DGKI: variants seen among roughly 807,000 people sequenced by gnomAD.
DGKI encodes DAG kinase iota.
DGKI carries 55 observed loss-of-function variants against 147.5 expected under a neutral mutation model. The ratio of observed to expected loss-of-function variants is 0.37; its 90% CI spans 0.30 to 0.47. DGKI has a LOEUF of 0.47. Among genes scored for constraint, DGKI ranks in the 20% least tolerant of loss-of-function variants. The pLI, the probability that DGKI is intolerant of heterozygous loss-of-function variation, is 1.00. For missense variants in DGKI, 1,007 were observed against 1,323.8 expected, an observed-to-expected ratio of 0.76 and a Z score of 3.71; for synonymous variants, 469 against 477.1, an observed-to-expected ratio of 0.98 and a Z score of 0.22.
chr7:137,496,140 T>A (rs1815956889), intron 21 of DGKI, among the ~76,000 whole-genome samples: 1 of 151,996 alleles, frequency 6.6e-6, no homozygotes, highest in African/African-American at 2.4e-5. Flanking sequence ...GTACAAAAAA[T>A]CAGTAGCATT....
Position 137,390,876 on chromosome 7 carries a change from T to C in DGKI, c.*344A>G, listed in dbSNP as rs530810119. 3 of 269,074 alleles carry C rather than the reference T, an allele frequency of 1.1e-5. No homozygotes were observed. Among genetic ancestry groups the C allele is most frequent in the Non-Finnish European group, 1.4e-5 (2 of 140,108 alleles). 16.7% of individuals were successfully genotyped at this position (269,074 alleles called of 1,614,324 possible). A position where few individuals can be genotyped will look rare whatever the true frequency, so the allele number is the denominator to read the frequency against. On this transcript the variant is annotated 3_prime_UTR_variant, in exon 33 of 33. Transcript: ENST00000614521. Reference sequence around the variant, plus strand: ...AAAAAACCAATGCATAGGGGGAGGATGGAGCAGTGCCATTTATACGAACAT... The same window carrying C: ...AAAAAACCAATGCATAGGGGGAGGACGGAGCAGTGCCATTTATACGAACAT...
chr7:137,836,870 T>C (rs540913693), intron 1 of DGKI, among the ~76,000 whole-genome samples: 2 of 152,296 alleles, frequency 1.3e-5, no homozygotes, highest in South Asian at 4.1e-4. Flanking sequence ...AAGGCCTCTC[T>C]CTATGTCTTG....
At chr7:137,665,265 G>A (rs1379739988) in intron 3 of DGKI, among the ~76,000 whole-genome samples, 1 of 152,154 alleles carries the variant, frequency 6.6e-6, no homozygotes, top group Non-Finnish European at 1.5e-5. Flanking sequence ...AAAAGGAAAG[G>A]CAGAGGCACA....
intron 20 of DGKI, among the ~76,000 whole-genome samples, chr7:137,522,202 G>A (rs1195213039): frequency 6.6e-6 from 1 of 151,988 alleles, no homozygotes; most frequent in East Asian, 1.9e-4. Flanking sequence ...AGAGCCTTTG[G>A]AGCCCACTTT....
In DGKI at chr7:137,625,495, TAAAG is replaced by T. The variant is rs905553526; in HGVS notation, c.805-1945_805-1942del. On this transcript the variant is annotated intron_variant, in intron 6 of 32. Coordinates refer to ENST00000614521, the MANE Select transcript of DGKI (RefSeq NM_001321708.2). ...ATAAAATAAAAAATTTAAAAAAAAATAAAGAAAGGCTGCTTGCAAGGTTGGCCCT... is the reference window on the plus strand; with the variant it reads ...ATAAAATAAAAAATTTAAAAAAAAATAAAGGCTGCTTGCAAGGTTGGCCCT... Among the ~76,000 whole-genome samples, 15 of 151,268 alleles carry T rather than the reference TAAAG, an allele frequency of 9.9e-5. No individual in the cohort carries two copies. In the East Asian group the frequency reaches 2.5e-3, roughly 26 times the overall value.
intron 1 of DGKI, among the ~76,000 whole-genome samples, chr7:137,755,522 A>G (rs1395842150): frequency 6.6e-6 from 1 of 152,222 alleles, no homozygotes; most frequent in Non-Finnish European, 1.5e-5. Flanking sequence ...CGTGGAACAA[A>G]GTGGAAACAA....
chr7:137,496,577 C>A (rs1489431787), intron 21 of DGKI, among the ~76,000 whole-genome samples: 1 of 149,758 alleles, frequency 6.7e-6, no homozygotes, highest in Non-Finnish European at 1.5e-5. Flanking sequence ...GTAACCAAAA[C>A]AACATGATAC....
In DGKI at chr7:137,521,844, C is replaced by A. The variant is rs535703504; in HGVS notation, c.2248+22G>T. The A allele has an allele frequency of 2.3e-4, 357 of 1,553,174 alleles. 3 individuals carry two copies. The South Asian group carries it at 3.8e-3, about 16-fold the overall frequency. ...TGAAGATAGGCTGATCGCATGAAAT[C>A]AATGAGGCACTTCCAACTTACAAGC... On this transcript the variant is annotated intron_variant, in intron 21 of 32. Transcript: ENST00000614521.
chr7:137,642,929 A>AGTGCGT (rs1554447728), intron 6 of DGKI, among the ~76,000 whole-genome samples: 44 of 121,210 alleles, frequency 3.6e-4, no homozygotes, highest in Non-Finnish European at 5.7e-4. Flanking sequence ...ATTATGGAAT[A>AGTGCGT]GTGTGTGTGT....
intron 28 of DGKI, among the ~76,000 whole-genome samples, chr7:137,422,499 T>C (rs1270062407): frequency 1.3e-5 from 2 of 151,630 alleles, no homozygotes; most frequent in African/African-American, 2.4e-5. Context: ...ATCAATATTA[T>C]AGAATCCTAT....
At chr7:137,439,722 G>A (rs1481952619) in intron 28 of DGKI, among the ~76,000 whole-genome samples, 1 of 152,154 alleles carries the variant, frequency 6.6e-6, no homozygotes, top group Non-Finnish European at 1.5e-5. Context: ...TAGTGATTGT[G>A]GTTGTGACAA....
At chr7:137,719,969 T>C (rs948662212) in intron 1 of DGKI, among the ~76,000 whole-genome samples, 18 of 152,190 alleles carry the variant, frequency 1.2e-4, no homozygotes, top group Non-Finnish European at 2.5e-4. Flanking sequence ...CAAAACAGCA[T>C]GATTACGTGC....
intron 21 of DGKI, among the ~76,000 whole-genome samples, chr7:137,515,812 C>G (rs1486919563): frequency 6.6e-6 from 1 of 151,758 alleles, no homozygotes; most frequent in Admixed American, 6.6e-5. Flanking sequence ...AGCAATAGTA[C>G]GATGTGTGTT....
At position 137,846,695 on chromosome 7, in the gene DGKI, G is replaced by GCC; in HGVS notation, c.167_168insGG (p.Ser56ArgfsTer68). The GCC allele has an allele frequency of 9.5e-7, 1 of 1,055,638 alleles. No individual in the cohort carries two copies. Among genetic ancestry groups the GCC allele is most frequent in the Non-Finnish European group, 1.1e-6 (1 of 873,264 alleles). 65.4% of individuals were successfully genotyped at this position (1,055,638 alleles called of 1,614,324 possible). On this transcript the variant is annotated frameshift_variant, in exon 1 of 33. Coordinates refer to ENST00000614521, the MANE Select transcript of DGKI (RefSeq NM_001321708.2). LOFTEE classifies it high-confidence loss of function. The surrounding 1 kb of genome is among the most constrained non-coding windows in gnomAD (Gnocchi z 4.0). ...CCCCTTTCTCCTCTCCCGCCGAGGAGCTGGGGTTCATGGCGCCCGCTCCGG... is the reference window on the plus strand; with the variant it reads ...CCCCTTTCTCCTCTCCCGCCGAGGAGCCCTGGGGTTCATGGCGCCCGCTCCGG...
chr7:137,528,817 G>C (rs1817239933), intron 20 of DGKI, among the ~76,000 whole-genome samples: 2 of 152,098 alleles, frequency 1.3e-5, no homozygotes, highest in African/African-American at 4.8e-5. Context: ...CTTAGTCTTT[G>C]TTCAGGCTAC....
chr7:137,470,772 C>G (rs1814851005), intron 23 of DGKI, among the ~76,000 whole-genome samples: 1 of 152,014 alleles, frequency 6.6e-6, no homozygotes, highest in Non-Finnish European at 1.5e-5. Context: ...ACTCCTGAAG[C>G]TTATGTTTAT....
rs3046570 is a variant in DGKI, at chr7:137,406,930, CAAAAAAA to C, written c.2920+938_2920+944del. ...GGAATAAGACATACTTGCTGAATTGCAAAAAAAAAAAAAAAAAAGGAGCAAAAAGGAT... is the reference window on the plus strand; with the variant it reads ...GGAATAAGACATACTTGCTGAATTGCAAAAAAAAAAAGGAGCAAAAAGGAT... On this transcript the variant is annotated intron_variant, in intron 30 of 32. Coordinates refer to ENST00000614521, the MANE Select transcript of DGKI (RefSeq NM_001321708.2). Among the ~76,000 whole-genome samples, 11 of 92,544 alleles carry C rather than the reference CAAAAAAA, an allele frequency of 1.2e-4. 1 individual carries two copies. Among genetic ancestry groups the C allele is most frequent in the Non-Finnish European group, 1.8e-4 (9 of 50,544 alleles). The allele number at this position is 92,544 out of a possible 152,430, so 60.7% of individuals were successfully genotyped here.
At chr7:137,758,153 T>G (rs780202845) in intron 1 of DGKI, among the ~76,000 whole-genome samples, 1 of 152,178 alleles carries the variant, frequency 6.6e-6, no homozygotes, top group Non-Finnish European at 1.5e-5. Flanking sequence ...CTTTACTACC[T>G]CCTCCTCAAT....
At chr7:137,395,442 C>A (rs1051865659) in intron 32 of DGKI, among the ~76,000 whole-genome samples, 156 bp downstream of exon 32, 1 of 152,246 alleles carries the variant, frequency 6.6e-6, no homozygotes, top group Non-Finnish European at 1.5e-5. Flanking sequence ...ATCACAGTTT[C>A]TCTAAATGAA....
Sources: gnomAD v4.1 joint callset for allele counts (sites outside exome capture counted in the v4.1 genomes callset) on GRCh38, gnomAD v4.1.1 for gene constraint, Gnocchi (gnomAD v3.1) non-coding constraint, MANE v1.5 for transcripts, NCBI Gene and HGNC (gene_info 2026-07-23, HGNC 2026-07-21) for gene names.